SV2C: variants seen among roughly 807,000 people sequenced by gnomAD.
SV2C encodes the protein solute carrier family 22 member B3.
SV2C carries 49 observed loss-of-function variants against 79.7 expected under a neutral mutation model. The observed-to-expected ratio is 0.61, with a 90% CI of 0.49 to 0.78. The LOEUF is 0.78. Among genes scored for constraint, SV2C ranks in the 30% least tolerant of loss-of-function variants. The probability of loss-of-function intolerance (pLI) is 0.00; values close to 1 mark genes in which losing one functional copy is unlikely to be tolerated. For synonymous variants in SV2C, 334 were observed against 333.2 expected, an observed-to-expected ratio of 1.00 and a Z score of -0.03; for missense variants, 833 against 912.9, an observed-to-expected ratio of 0.91 and a Z score of 1.13.
chr5:76,078,781 C>T, upstream of SV2C: 1 of 584,908 alleles, frequency 1.7e-6, no homozygotes, highest in South Asian at 1.4e-5. Context: ...GCAGAGTCTG[C>T]ACACCTGGCA....
intron 12 of SV2C, among the ~76,000 whole-genome samples, chr5:76,348,049 TA>T (rs1229266802): frequency 2.0e-5 from 3 of 152,218 alleles, no homozygotes; most frequent in African/African-American, 7.2e-5. Context: ...TTCACTGACT[TA>T]AAGATCCTCT....
the SV2C span, among the ~76,000 whole-genome samples, chr5:75,945,047 A>T: frequency 1.3e-5 from 2 of 152,294 alleles, no homozygotes; most frequent in East Asian, 3.9e-4. Flanking sequence ...AGAGGGCAAC[A>T]CTGAGATGCC....
intron 12 of SV2C, among the ~76,000 whole-genome samples, chr5:76,339,672 C>T (rs1298641963): frequency 1.5e-5 from 2 of 133,520 alleles, no homozygotes; most frequent in Non-Finnish European, 3.0e-5. Flanking sequence ...CAAGATTGTG[C>T]CACTGCACTC....
At chr5:76,033,499 G>T in the SV2C span, among the ~76,000 whole-genome samples, 43 of 152,228 alleles carry the variant, frequency 2.8e-4, no homozygotes, top group Middle Eastern at 3.4e-3. Flanking sequence ...ATTTATTAAA[G>T]AGGGAATCCT....
chr5:76,220,464 GA>G (rs1364188277), intron 4 of SV2C, among the ~76,000 whole-genome samples: 5 of 151,974 alleles, frequency 3.3e-5, no homozygotes, highest in African/African-American at 1.2e-4. Context: ...TTGAGCTCAG[GA>G]GTTCGAGGCC....
intron 3 of SV2C, among the ~76,000 whole-genome samples, chr5:76,202,145 C>A (rs1744468777): frequency 6.6e-6 from 1 of 151,934 alleles, no homozygotes; most frequent in South Asian, 2.1e-4. Flanking sequence ...TTTTTCCCTT[C>A]AAAGTAGTCT....
intron 1 of SV2C, among the ~76,000 whole-genome samples, chr5:76,111,493 A>G (rs1026155851): frequency 2.0e-5 from 3 of 152,132 alleles, no homozygotes; most frequent in Non-Finnish European, 4.4e-5. Context: ...TCCACCCTGA[A>G]TATTTTCAGC....
At chr5:76,042,693 A>T in the SV2C span, among the ~76,000 whole-genome samples, 1 of 152,138 alleles carries the variant, frequency 6.6e-6, no homozygotes. Context: ...GTTATTCCAA[A>T]TGCAGTGTGT....
At chr5:76,050,570 A>ATC in the SV2C span, among the ~76,000 whole-genome samples, 250 of 150,460 alleles carry the variant, frequency 1.7e-3, 2 homozygotes, top group African/African-American at 2.8e-3. Context: ...CTAATTCTTG[A>ATC]TCTCTCTCTC....
rs1580329655 is a variant in SV2C, at chr5:76,174,273, G to T, written c.581-20646G>T. 8.9e-6 allele frequency: 12 copies of T among 1,350,458 alleles called. No homozygotes were observed. In the East Asian group the frequency reaches 2.6e-4, roughly 29 times the overall value. The allele number at this position is 1,350,458 out of a possible 1,614,324, so 83.7% of individuals were successfully genotyped here. A position where few individuals can be genotyped will look rare whatever the true frequency, so the allele number is the denominator to read the frequency against. On this transcript the variant is annotated intron_variant, in intron 2 of 12. Coordinates refer to ENST00000502798, the MANE Select transcript of SV2C (RefSeq NM_014979.4). Reference sequence around the variant, plus strand: ...CAGCGTCGCCCCGTGCTCCCCGCGGGTCGCTACTCTAGGCGCCACGGCGGT... The same window carrying T: ...CAGCGTCGCCCCGTGCTCCCCGCGGTTCGCTACTCTAGGCGCCACGGCGGT...
intron 1 of SV2C, among the ~76,000 whole-genome samples, chr5:76,107,318 TA>T (rs1270329964): frequency 6.6e-6 from 1 of 152,232 alleles, no homozygotes; most frequent in East Asian, 1.9e-4. Context: ...TTGTGAATTC[TA>T]AATGTTTAGT....
At chr5:76,127,860 C>T (rs889189) in intron 1 of SV2C, among the ~76,000 whole-genome samples, 75,332 of 151,974 alleles carry the variant, frequency 0.5, 21,894 homozygotes, top group African/African-American at 0.79. Flanking sequence ...TCCAGAGTTC[C>T]TCCTGAAGCT....
At chr5:76,045,168 G>T in the SV2C span, among the ~76,000 whole-genome samples, 1 of 152,118 alleles carries the variant, frequency 6.6e-6, no homozygotes, top group African/African-American at 2.4e-5. Context: ...ATTAAATAGG[G>T]AATCCTTTCC....
the SV2C span, among the ~76,000 whole-genome samples, chr5:75,879,736 T>C: frequency 8.5e-5 from 13 of 152,310 alleles, no homozygotes; most frequent in Middle Eastern, 3.4e-3. Context: ...CCACTTCCCA[T>C]AGCTCCACTA....
At chr5:75,984,598 C>CTATCTATCTACCTAT in the SV2C span, among the ~76,000 whole-genome samples, 1 of 82,522 alleles carries the variant, frequency 1.2e-5, no homozygotes, top group African/African-American at 4.0e-5. Flanking sequence ...TATCTATCTA[C>CTATCTATCTACCTAT]CTATCTATCT....
rs77404621 is a variant in SV2C at position 76,190,511 on chromosome 5, A to T, written c.581-4408A>T. Among the ~76,000 whole-genome samples, 328 of 152,342 alleles carry T rather than the reference A, an allele frequency of 2.2e-3. 14 individuals are homozygous for T. The East Asian group carries it at 0.06, about 28-fold the overall frequency. On this transcript the variant is annotated intron_variant, in intron 2 of 12. Coordinates refer to ENST00000502798, the MANE Select transcript of SV2C (RefSeq NM_014979.4). ...GATCAGATATTGCCCAGGGGATCTG[A>T]TCAGATATTGAAGACAACCAGCCAT...
chr5:75,948,469 A>C, the SV2C span, among the ~76,000 whole-genome samples: 1 of 152,088 alleles, frequency 6.6e-6, no homozygotes, highest in East Asian at 1.9e-4. Flanking sequence ...TATAGCAGGA[A>C]AGAGACAAGA....
At chr5:76,279,844 A>G (rs1446728210) in intron 4 of SV2C, among the ~76,000 whole-genome samples, 1 of 152,154 alleles carries the variant, frequency 6.6e-6, no homozygotes, top group East Asian at 1.9e-4. Context: ...CATGACGATG[A>G]GGGTTGGAGA....
chr5:75,972,244 A>G, the SV2C span, among the ~76,000 whole-genome samples: 28 of 152,128 alleles, frequency 1.8e-4, no homozygotes, highest in Non-Finnish European at 3.4e-4. Context: ...CCTAGGCAAT[A>G]CCATTCAGGA....
Sources: gnomAD v4.1 joint callset for allele counts (sites outside exome capture counted in the v4.1 genomes callset) on GRCh38, gnomAD v4.1.1 for gene constraint, MANE v1.5 for transcripts, NCBI Gene and HGNC (gene_info 2026-07-23, HGNC 2026-07-21) for gene names.